Variants in SLC24A2 observed in about 807,000 individuals in gnomAD.
The protein encoded by SLC24A2 is sodium/potassium/calcium exchanger 2.
Under a neutral mutation model 62.0 loss-of-function variants are expected in SLC24A2, and 36 were observed. The observed-to-expected ratio is 0.58, with a 90% CI of 0.44 to 0.77. The LOEUF (loss-of-function observed/expected upper bound fraction) is 0.77, where lower values mean the gene tolerates loss of function less well. Among genes scored for constraint, SLC24A2 ranks in the 30% least tolerant of loss-of-function variants. The probability of loss-of-function intolerance (pLI) is 0.00; values close to 1 mark genes in which losing one functional copy is unlikely to be tolerated. For missense variants in SLC24A2, 846 were observed against 817.9 expected (o/e 1.03, Z -0.42); for synonymous variants, 358 against 294.0 (o/e 1.22, Z -2.23).
the SLC24A2 span, among the ~76,000 whole-genome samples, chr9:20,154,361 G>A: frequency 6.6e-6 from 1 of 151,800 alleles, no homozygotes; most frequent in Non-Finnish European, 1.5e-5. Context: ...TGGATTCAAT[G>A]GAGCACTTCA....
At chr9:20,168,585 A>G in the SLC24A2 span, among the ~76,000 whole-genome samples, 1 of 152,046 alleles carries the variant, frequency 6.6e-6, no homozygotes, top group Non-Finnish European at 1.5e-5. Flanking sequence ...TAAATAGCCA[A>G]CAAGAACATG....
chr9:19,960,869 G>T, the SLC24A2 span, among the ~76,000 whole-genome samples: 1 of 152,168 alleles, frequency 6.6e-6, no homozygotes, highest in African/African-American at 2.4e-5. Context: ...CACAATGCCT[G>T]GTGTGTAGTA....
At chr9:20,060,795 A>AAC in the SLC24A2 span, among the ~76,000 whole-genome samples, 1 of 152,102 alleles carries the variant, frequency 6.6e-6, no homozygotes, top group African/African-American at 2.4e-5. Flanking sequence ...ATTCTTAGGG[A>AAC]ACACACACAC....
chr9:19,698,907 G>C (rs1820275732), intron 2 of SLC24A2, among the ~76,000 whole-genome samples: 1 of 152,190 alleles, frequency 6.6e-6, no homozygotes, highest in African/African-American at 2.4e-5. Flanking sequence ...GGAAGACATG[G>C]AGGCACAGAG....
chr9:20,242,001 C>A, the SLC24A2 span, among the ~76,000 whole-genome samples: 5 of 152,184 alleles, frequency 3.3e-5, no homozygotes, highest in African/African-American at 1.2e-4. Flanking sequence ...ATTCTAATGA[C>A]CTGCCAGCCT....
Position 19,607,618 on chromosome 9 carries a change from C to G in SLC24A2, c.1079-10339G>C, listed in dbSNP as rs947086209. On this transcript the variant is annotated intron_variant, in intron 4 of 10. Coordinates refer to ENST00000341998, the MANE Select transcript of SLC24A2 (RefSeq NM_020344.4). The stretch of plus-strand genomic sequence containing the variant: ...CCTGTAATCATAGCTACTTGAGAGG[C>G]TGAGGCAGGAGACTCGCTTGAACCC... Among the ~76,000 whole-genome samples the G allele has an allele frequency of 7.3e-5, 11 of 149,820 alleles. No homozygotes were observed. In the East Asian group the frequency reaches 1.8e-3, roughly 24 times the overall value.
At chr9:20,133,514 G>T in the SLC24A2 span, among the ~76,000 whole-genome samples, 1 of 151,866 alleles carries the variant, frequency 6.6e-6, no homozygotes, top group Non-Finnish European at 1.5e-5. Context: ...ATTAAGCATC[G>T]CAAATTACAA....
chr9:20,228,842 C>T, the SLC24A2 span, among the ~76,000 whole-genome samples: 1 of 152,108 alleles, frequency 6.6e-6, no homozygotes, highest in East Asian at 1.9e-4. Context: ...AGAGCTAAGG[C>T]TGTTCACTCT....
At chr9:19,917,976 C>G in the SLC24A2 span, among the ~76,000 whole-genome samples, 1 of 152,076 alleles carries the variant, frequency 6.6e-6, no homozygotes, top group Non-Finnish European at 1.5e-5. Flanking sequence ...GAATAACTAT[C>G]TATTGGCTTA....
At chr9:19,743,260 G>A (rs1169700324) in intron 2 of SLC24A2, among the ~76,000 whole-genome samples, 1 of 152,170 alleles carries the variant, frequency 6.6e-6, no homozygotes, top group Non-Finnish European at 1.5e-5. Context: ...CATAGGGTTA[G>A]TCAGTTTATC....
chr9:20,051,258 G>A, the SLC24A2 span, among the ~76,000 whole-genome samples: 1 of 152,006 alleles, frequency 6.6e-6, no homozygotes, highest in Non-Finnish European at 1.5e-5. Flanking sequence ...AAAACAAAGA[G>A]GGTCACTTCA....
At chr9:19,830,497 T>C in the SLC24A2 span, among the ~76,000 whole-genome samples, 96 of 152,286 alleles carry the variant, frequency 6.3e-4, 1 homozygote, top group East Asian at 0.018. Context: ...GTTATATAAC[T>C]TATCCCAAAT....
intron 4 of SLC24A2, among the ~76,000 whole-genome samples, chr9:19,598,746 G>A (rs1431164445): frequency 1.3e-5 from 2 of 151,622 alleles, no homozygotes; most frequent in East Asian, 3.9e-4. Context: ...GCACAACTTC[G>A]GAATTCTTAA....
the SLC24A2 span, among the ~76,000 whole-genome samples, chr9:20,029,683 G>T: frequency 9.9e-5 from 15 of 152,216 alleles, no homozygotes; most frequent in African/African-American, 3.4e-4. Flanking sequence ...AACAACCCAA[G>T]AAATGGTTAT....
At chr9:19,536,141 TTG>T (rs1299697596) in intron 8 of SLC24A2, among the ~76,000 whole-genome samples, 1 of 150,106 alleles carries the variant, frequency 6.7e-6, no homozygotes, top group African/African-American at 2.4e-5. Context: ...GGCTCTCTGT[TTG>T]TCTTTTTTTT....
At chr9:20,097,262 C>T in the SLC24A2 span, among the ~76,000 whole-genome samples, 1 of 152,162 alleles carries the variant, frequency 6.6e-6, no homozygotes, top group Non-Finnish European at 1.5e-5. Flanking sequence ...GGACAGAGTA[C>T]TCCAATTGCC....
At chr9:19,908,477 T>G in the SLC24A2 span, among the ~76,000 whole-genome samples, 1 of 151,902 alleles carries the variant, frequency 6.6e-6, no homozygotes, top group Admixed American at 6.6e-5. Context: ...AAGCCAAAAT[T>G]GACAAATGGG....
chr9:19,854,065 A>C, the SLC24A2 span, among the ~76,000 whole-genome samples: 1 of 151,926 alleles, frequency 6.6e-6, no homozygotes, highest in East Asian at 1.9e-4. Context: ...ATCCACTTCT[A>C]TATTTTCTAG....
chr9:20,276,789 C>T, the SLC24A2 span, among the ~76,000 whole-genome samples: 1 of 152,202 alleles, frequency 6.6e-6, no homozygotes, highest in African/African-American at 2.4e-5. Flanking sequence ...TTCTGTATAC[C>T]TGTGGGCCCA....
Sources: allele counts gnomAD v4.1 joint callset (sites outside exome capture counted in the v4.1 genomes callset), GRCh38; gene constraint gnomAD v4.1.1; transcripts MANE v1.5; gene names NCBI Gene and HGNC (gene_info 2026-07-23, HGNC 2026-07-21).